The following STOX2 variants were observed in gnomAD, a reference collection of about 807,000 sequenced individuals.
STOX2 encodes the protein storkhead-box protein 2.
STOX2 carries 28 observed loss-of-function variants against 60.9 expected under a neutral mutation model. The observed-to-expected ratio is 0.46, with a 90% confidence interval of 0.34 to 0.63. The LOEUF (loss-of-function observed/expected upper bound fraction) is 0.63. STOX2 is among the 30% of genes least tolerant of loss of function. STOX2 has a pLI of 0.01. For missense variants in STOX2, 1,024 were observed against 1,187.7 expected (o/e 0.86, Z 2.03); for synonymous variants, 472 against 463.9 (o/e 1.02, Z -0.22).
rs10671305 is a variant in STOX2, at chr4:183,908,592, G to GTTTTT, written c.166+1652_166+1656dup. Among the ~76,000 whole-genome samples, 871 of 126,638 alleles carry GTTTTT rather than the reference G, an allele frequency of 6.9e-3. 20 individuals are homozygous for GTTTTT. Among genetic ancestry groups the GTTTTT allele is most frequent in the African/African-American group, 0.016 (507 of 32,672 alleles). 83.1% of individuals were successfully genotyped at this position (126,638 alleles called of 152,430 possible). ...ATTCAGGCACATTTCCAGGCAGCCA[G>GTTTTT]TTTTTTTTTTTTTTTTTTTTAATCT... On this transcript the variant is annotated intron_variant, in intron 1 of 3. Coordinates refer to ENST00000308497, the MANE Select transcript of STOX2 (RefSeq NM_020225.3).
At chr4:183,860,479 T>C (rs1474195577) in intron 1 of STOX2, among the ~76,000 whole-genome samples, 2 of 141,966 alleles carry the variant, frequency 1.4e-5, no homozygotes, top group African/African-American at 2.5e-5. Context: ...AAGAAAAAAT[T>C]GGAGAATTGA....
intron 1 of STOX2, among the ~76,000 whole-genome samples, chr4:183,861,293 A>C (rs1740435651): frequency 1.1e-5 from 1 of 89,588 alleles, no homozygotes; most frequent in South Asian, 4.5e-4. Flanking sequence ...GTGGGAGTGG[A>C]CTGTCCCGTT....
intron 1 of STOX2, among the ~76,000 whole-genome samples, chr4:183,847,908 CAT>C (rs765106281): frequency 9.2e-5 from 14 of 152,070 alleles, no homozygotes; most frequent in East Asian, 3.8e-4. Flanking sequence ...TAAAAGAAAA[CAT>C]GTGTGAGCTA....
rs764718789 is a variant in STOX2 at position 184,010,634 on chromosome 4, A to G, written c.1796A>G (p.Asp599Gly). 2.5e-6 allele frequency: 4 copies of G among 1,614,072 alleles called. No individual in the cohort carries two copies. Among genetic ancestry groups the G allele is most frequent in the Non-Finnish European group, 3.4e-6 (4 of 1,179,904 alleles). The change falls in exon 3 of 4, where the codon GAC (aspartate) becomes GGC (glycine). Residue 599 changes from aspartate (D) to glycine (G), a missense_variant. Around this residue, in one of 3 missense-constraint regions of STOX2, gnomAD observed 922 missense variants for 1,058.3 expected, o/e 0.87. Coordinates refer to ENST00000308497, the MANE Select transcript of STOX2 (RefSeq NM_020225.3). The surrounding 1 kb of genome is among the most constrained non-coding windows in gnomAD (Gnocchi z 4.5). ...TGTCCAACAAAAACAGCCACAGATG[A>G]CTATTTCCAGTGCAACACCTCTAGT... ...NSCPTKTATD[D>G]YFQCNTSSET...
At chr4:183,886,568 T>C (rs1048485746) in intron 1 of STOX2, among the ~76,000 whole-genome samples, 6 of 152,162 alleles carry the variant, frequency 3.9e-5, no homozygotes, top group African/African-American at 1.4e-4. Flanking sequence ...TGTCTGCAGC[T>C]CCTGGCACTC....
chr4:183,929,075 A>G (rs1183587378), intron 1 of STOX2, among the ~76,000 whole-genome samples: 1 of 152,238 alleles, frequency 6.6e-6, no homozygotes, highest in African/African-American at 2.4e-5. Flanking sequence ...TAATTTTAAT[A>G]CAAATAATCT....
intron 1 of STOX2, among the ~76,000 whole-genome samples, chr4:183,819,836 G>A (rs1739265297): frequency 6.6e-6 from 1 of 152,186 alleles, no homozygotes; most frequent in African/African-American, 2.4e-5. Context: ...TTTGGGCCAT[G>A]CTCTTTTTCC....
At chr4:183,823,480 G>C (rs181666949) in intron 1 of STOX2, among the ~76,000 whole-genome samples, 19 of 152,338 alleles carry the variant, frequency 1.2e-4, no homozygotes, top group Admixed American at 1.1e-3. Context: ...GTAGACTGTT[G>C]AAAGGCAAAC....
At chr4:183,938,878 G>C (rs6821141) in intron 1 of STOX2, among the ~76,000 whole-genome samples, 8,788 of 151,924 alleles carry the variant, frequency 0.058, 706 homozygotes, top group East Asian at 0.43. Context: ...CATTTCATCA[G>C]CTCTGATTAA....
chr4:183,954,175 G>A (rs1743175793), intron 1 of STOX2, among the ~76,000 whole-genome samples: 1 of 152,214 alleles, frequency 6.6e-6, no homozygotes, highest in South Asian at 2.1e-4. Flanking sequence ...GCACCGTGGA[G>A]CACTTCTTGT....
chr4:183,818,949 G>A (rs952256554), intron 1 of STOX2, among the ~76,000 whole-genome samples: 2 of 152,132 alleles, frequency 1.3e-5, no homozygotes, highest in African/African-American at 2.4e-5. Context: ...CCCAGACTGG[G>A]CAGCGGGGCA....
chr4:183,851,768 A>G (rs200599549), intron 1 of STOX2, among the ~76,000 whole-genome samples: 47 of 77,456 alleles, frequency 6.1e-4, no homozygotes, highest in African/African-American at 1.2e-3. Flanking sequence ...AAAGGATGAG[A>G]GAAAGGATGA....
intron 1 of STOX2, among the ~76,000 whole-genome samples, chr4:183,955,266 T>C (rs571834521): frequency 6.6e-5 from 10 of 152,352 alleles, no homozygotes; most frequent in South Asian, 6.2e-4. Flanking sequence ...CTACATAACT[T>C]TTATTCTTTG....
At chr4:183,828,601 G>A (rs950288804) in intron 1 of STOX2, among the ~76,000 whole-genome samples, 1 of 152,148 alleles carries the variant, frequency 6.6e-6, no homozygotes, top group African/African-American at 2.4e-5. Flanking sequence ...GTAAATCCAT[G>A]CTTTTAGGGC....
intron 1 of STOX2, among the ~76,000 whole-genome samples, chr4:183,882,794 A>C (rs927832252): frequency 1.3e-5 from 2 of 152,348 alleles, no homozygotes; most frequent in South Asian, 2.1e-4. Flanking sequence ...AGAGGCTAAG[A>C]GACAGGCTTA....
At chr4:183,962,307 G>A (rs1340725908) in intron 1 of STOX2, among the ~76,000 whole-genome samples, 1 of 151,322 alleles carries the variant, frequency 6.6e-6, no homozygotes, top group Admixed American at 6.6e-5. Context: ...TTTATTTTGT[G>A]TAACTATATA....
chr4:183,877,547 A>G (rs6813664), intron 1 of STOX2, among the ~76,000 whole-genome samples: 104,260 of 152,060 alleles, frequency 0.69, 35,848 homozygotes, highest in African/African-American at 0.74. Context: ...GCCGTTTTGC[A>G]TGCTCTGTAT....
At chr4:183,822,639 C>T (rs567916020) in intron 1 of STOX2, among the ~76,000 whole-genome samples, 5 of 152,284 alleles carry the variant, frequency 3.3e-5, no homozygotes, top group African/African-American at 9.6e-5. Context: ...TGACAGGAGG[C>T]GCAGCTCAGG....
intron 1 of STOX2, among the ~76,000 whole-genome samples, chr4:183,912,691 C>T (rs1008858444): frequency 2.6e-5 from 4 of 152,104 alleles, no homozygotes; most frequent in Admixed American, 6.5e-5. Context: ...TGTGTGTCTC[C>T]GGTCTGGATG....
Sources: allele counts gnomAD v4.1 joint callset (sites outside exome capture counted in the v4.1 genomes callset), GRCh38; gene constraint gnomAD v4.1.1; regional missense constraint gnomAD v4.1.1; non-coding constraint Gnocchi (gnomAD v3.1); transcripts MANE v1.5; gene names NCBI Gene and HGNC (gene_info 2026-07-23, HGNC 2026-07-21).